Variants in CCSER1 observed in about 807,000 individuals in gnomAD.
CCSER1 encodes the protein serine-rich coiled-coil domain-containing protein 1.
CCSER1 carries 41 observed loss-of-function variants against 82.0 expected under a neutral mutation model. The observed-to-expected ratio is 0.50, with a 90% CI of 0.39 to 0.65. The LOEUF (loss-of-function observed/expected upper bound fraction) is 0.65. CCSER1 is among the 30% of genes least tolerant of loss of function. The pLI is 0.00. For missense variants in CCSER1, 1,119 were observed against 1,064.2 expected, an observed-to-expected ratio of 1.05 and a Z score of -0.72; for synonymous variants, 414 against 383.9, an observed-to-expected ratio of 1.08 and a Z score of -0.92.
At chr4:90,763,549 A>G (rs1162076012) in intron 7 of CCSER1, among the ~76,000 whole-genome samples, 1 of 152,144 alleles carries the variant, frequency 6.6e-6, no homozygotes, top group Non-Finnish European at 1.5e-5. Context: ...GATATTTTAC[A>G]AACAATGTAT....
chr4:91,316,983 A>C (rs1745880793), intron 10 of CCSER1, among the ~76,000 whole-genome samples: 1 of 151,986 alleles, frequency 6.6e-6, no homozygotes, highest in African/African-American at 2.4e-5. Context: ...CTTACACAGC[A>C]TGGTGACTAC....
rs1431466404 is a variant in CCSER1 at position 90,628,189 on chromosome 4, C to A, written c.1889C>A (p.Ala630Glu). 6.2e-7 allele frequency: 1 copy of A among 1,613,700 alleles called. No homozygotes were observed. Among genetic ancestry groups the A allele is most frequent in the Non-Finnish European group, 8.5e-7 (1 of 1,179,820 alleles). ...PFRLMLQDCT[A>E]VKTLLLKMKR... ...AGACTGATGTTACAGGACTGCACGGCAGTCAAGACGTTATTATTAAAGATG... is the reference window on the plus strand; with the variant it reads ...AGACTGATGTTACAGGACTGCACGGAAGTCAAGACGTTATTATTAAAGATG... Residue 630 changes from alanine (A) to glutamate (E), a missense_variant, in exon 6 of 11, where the codon GCA becomes GAA. Coordinates refer to ENST00000509176, the MANE Select transcript of CCSER1 (RefSeq NM_001145065.2).
At chr4:90,425,320 G>A (rs962506196) in intron 4 of CCSER1, among the ~76,000 whole-genome samples, 1 of 152,170 alleles carries the variant, frequency 6.6e-6, no homozygotes, top group Non-Finnish European at 1.5e-5. Flanking sequence ...GAGAGAGAGA[G>A]AGAGAGGAAG....
intron 10 of CCSER1, among the ~76,000 whole-genome samples, chr4:91,281,117 C>G (rs1391720568): frequency 6.6e-6 from 1 of 152,150 alleles, no homozygotes; most frequent in Non-Finnish European, 1.5e-5. Context: ...AGTAACTTAC[C>G]CTTCCCTTGT....
At chr4:91,033,488 G>C (rs565595474) in intron 9 of CCSER1, among the ~76,000 whole-genome samples, 35 of 152,252 alleles carry the variant, frequency 2.3e-4, no homozygotes, top group African/African-American at 8.4e-4. Context: ...ATGTGGGTGA[G>C]ACAGCCAGCA....
At chr4:90,488,374 G>A (rs921999642) in intron 5 of CCSER1, among the ~76,000 whole-genome samples, 1 of 151,980 alleles carries the variant, frequency 6.6e-6, no homozygotes, top group Admixed American at 6.6e-5. Context: ...TTTTAGTAGA[G>A]ATGGGGTTTC....
chr4:91,418,410 A>G (rs1032165688), intron 10 of CCSER1, among the ~76,000 whole-genome samples: 1 of 151,572 alleles, frequency 6.6e-6, no homozygotes, highest in African/African-American at 2.4e-5. Flanking sequence ...ATTACAAATT[A>G]TACCACAGAA....
chr4:90,190,296 TCATGAGTCCTGGGACAGG>T (rs2153395608), intron 1 of CCSER1, among the ~76,000 whole-genome samples: 1 of 152,204 alleles, frequency 6.6e-6, no homozygotes, highest in South Asian at 2.1e-4. Context: ...ATCTGCTCTG[TCATGAGTCCTGGGACAGG>T]CATTGTACAG....
rs958461206 is a variant in CCSER1 at position 91,545,135 on chromosome 4, G to T, written c.2218-53437G>T. Among the ~76,000 whole-genome samples the T allele has an allele frequency of 3.9e-5, 6 of 152,132 alleles. No individual in the cohort carries two copies. In the South Asian group the frequency reaches 1.2e-3, roughly 31 times the overall value. Reference sequence around the variant, plus strand: ...CTTGGGACCCTCCGAGCCATGTGTGGGATATAATCTCCTGGTGTGCCATTT... The same window carrying T: ...CTTGGGACCCTCCGAGCCATGTGTGTGATATAATCTCCTGGTGTGCCATTT... On this transcript the variant is annotated intron_variant, in intron 10 of 10. Transcript: ENST00000509176.
chr4:91,551,575 A>C (rs1026919135), intron 10 of CCSER1, among the ~76,000 whole-genome samples: 1 of 151,876 alleles, frequency 6.6e-6, no homozygotes, highest in African/African-American at 2.4e-5. Context: ...TTATGACGAA[A>C]GCTGAGCTTG....
At chr4:90,673,143 T>C (rs533586845) in intron 6 of CCSER1, among the ~76,000 whole-genome samples, 1 of 152,054 alleles carries the variant, frequency 6.6e-6, no homozygotes, top group South Asian at 2.1e-4. Flanking sequence ...AAACCTTCAA[T>C]TTGTAAAAAG....
intron 10 of CCSER1, among the ~76,000 whole-genome samples, chr4:91,564,762 T>G (rs1255797990): frequency 1.3e-5 from 2 of 152,078 alleles, no homozygotes; most frequent in Non-Finnish European, 2.9e-5. Context: ...TTTAGGTTCC[T>G]TATCAATGCT....
intron 9 of CCSER1, among the ~76,000 whole-genome samples, chr4:91,070,795 G>A (rs888517745): frequency 3.3e-5 from 5 of 152,074 alleles, no homozygotes; most frequent in Admixed American, 3.3e-4. Context: ...TGCCAAAAAG[G>A]TTGGGAACCG....
chr4:91,090,860 G>T (rs985073717), intron 10 of CCSER1, among the ~76,000 whole-genome samples: 1 of 152,098 alleles, frequency 6.6e-6, no homozygotes, highest in Non-Finnish European at 1.5e-5. Flanking sequence ...TTACCTCAGG[G>T]TCTAGTCCTT....
chr4:90,628,327 A>C (rs570837475), intron 6 of CCSER1, 95 bp downstream of exon 6: 10 of 922,494 alleles, frequency 1.1e-5, no homozygotes, highest in African/African-American at 4.9e-5. Flanking sequence ...AATTAACTAC[A>C]TGACATTGGG....
chr4:91,236,695 A>G (rs995741582), intron 10 of CCSER1, among the ~76,000 whole-genome samples: 1 of 152,234 alleles, frequency 6.6e-6, no homozygotes, highest in African/African-American at 2.4e-5. Flanking sequence ...TTTCCAAGAA[A>G]CAAAGCATAG....
intron 10 of CCSER1, among the ~76,000 whole-genome samples, chr4:91,101,751 AT>A (rs1481161039): frequency 6.6e-6 from 1 of 152,200 alleles, no homozygotes; most frequent in Non-Finnish European, 1.5e-5. Context: ...AATCAAAGTA[AT>A]TTGTCTAAAG....
At chr4:91,508,649 CTATT>C (rs1759660303) in intron 10 of CCSER1, among the ~76,000 whole-genome samples, 1 of 148,162 alleles carries the variant, frequency 6.7e-6, no homozygotes, top group Non-Finnish European at 1.5e-5. Flanking sequence ...TATTCCTATT[CTATT>C]TTTTGAAAGA....
chr4:90,565,988 G>A (rs2153650801), intron 5 of CCSER1, among the ~76,000 whole-genome samples: 1 of 150,560 alleles, frequency 6.6e-6, no homozygotes, highest in Non-Finnish European at 1.5e-5. Flanking sequence ...ATCCCTAGTA[G>A]CTGGGACTAC....
Sources: allele counts gnomAD v4.1 joint callset (sites outside exome capture counted in the v4.1 genomes callset), GRCh38; gene constraint gnomAD v4.1.1; transcripts MANE v1.5; gene names NCBI Gene and HGNC (gene_info 2026-07-23, HGNC 2026-07-21).